The following KCNMB2 variants were observed in gnomAD, a reference collection of about 807,000 sequenced individuals.
KCNMB2 encodes potassium calcium-activated channel subfamily M regulatory beta subunit 2.
In KCNMB2, 9 loss-of-function variants were observed where a neutral mutation model predicts 24.5. The ratio of observed to expected loss-of-function variants is 0.37; its 90% CI spans 0.22 to 0.64. The LOEUF is 0.64. Among genes scored for constraint, KCNMB2 ranks in the 30% least tolerant of loss-of-function variants. The probability of loss-of-function intolerance (pLI) is 0.63; values close to 1 mark genes in which losing one functional copy is unlikely to be tolerated. For synonymous variants in KCNMB2, 109 were observed against 104.4 expected (o/e 1.04, Z -0.27); for missense variants, 226 against 284.3 (o/e 0.79, Z 1.47).
At chr3:178,679,221 T>C (rs1318322774) in intron 1 of KCNMB2, among the ~76,000 whole-genome samples, 3 of 152,138 alleles carry the variant, frequency 2.0e-5, no homozygotes, top group Non-Finnish European at 4.4e-5. Context: ...GGCTCAATTC[T>C]CAATTTCTCC....
intron 1 of KCNMB2, among the ~76,000 whole-genome samples, chr3:178,612,453 T>C (rs1276781681): frequency 1.3e-5 from 2 of 152,216 alleles, no homozygotes; most frequent in Non-Finnish European, 2.9e-5. Context: ...AAAATTGTTA[T>C]ATCTTCTTGC....
chr3:178,838,608 G>A (rs1430138310), intron 4 of KCNMB2, among the ~76,000 whole-genome samples: 2 of 149,556 alleles, frequency 1.3e-5, no homozygotes, highest in Non-Finnish European at 3.0e-5. Flanking sequence ...TGTGCCCACT[G>A]ATAAAGTCAT....
At chr3:178,664,013 G>T (rs1222037725) in intron 1 of KCNMB2, among the ~76,000 whole-genome samples, 1 of 152,096 alleles carries the variant, frequency 6.6e-6, no homozygotes, top group Non-Finnish European at 1.5e-5. Context: ...AGAGGGGAGG[G>T]AAAAGAAAGA....
intron 1 of KCNMB2, among the ~76,000 whole-genome samples, chr3:178,726,630 T>C (rs1433927731): frequency 6.6e-6 from 1 of 152,024 alleles, no homozygotes; most frequent in African/African-American, 2.4e-5. Flanking sequence ...TAAAGAACAC[T>C]GGAATTGCTT....
intron 1 of KCNMB2, among the ~76,000 whole-genome samples, chr3:178,698,499 G>A (rs1193802581): frequency 2.0e-5 from 3 of 152,060 alleles, no homozygotes; most frequent in African/African-American, 7.2e-5. Context: ...CTGGTTATTT[G>A]TCTGCCAACT....
chr3:178,587,491 T>C lies in KCNMB2; in HGVS notation c.-68+50780T>C, dbSNP rs543601824. ...CAGGCTGGAGTGCAATGGTGCCATC[T>C]TGGCTCACTGCAACCTCCGCCTCCC... On this transcript the variant is annotated intron_variant, in intron 1 of 4. Coordinates refer to ENST00000452583, the MANE Select transcript of KCNMB2 (RefSeq NM_181361.3). 9.2e-5 allele frequency among the ~76,000 whole-genome samples: 14 copies of C among 152,304 alleles called. No individual in the cohort carries two copies. In the East Asian group the frequency reaches 2.7e-3, roughly 29 times the overall value.
At chr3:178,662,421 A>AT (rs1196637971) in intron 1 of KCNMB2, among the ~76,000 whole-genome samples, 2 of 152,206 alleles carry the variant, frequency 1.3e-5, no homozygotes, top group Non-Finnish European at 2.9e-5. Flanking sequence ...TGCAAGATAA[A>AT]TATGATGTAA....
chr3:178,756,180 T>C (rs1358160997), intron 1 of KCNMB2, among the ~76,000 whole-genome samples: 1 of 152,018 alleles, frequency 6.6e-6, no homozygotes, highest in Admixed American at 6.6e-5. Flanking sequence ...AAAATATACA[T>C]ATTAAAGGGT....
chr3:178,547,906 C>A (rs1715825688), intron 1 of KCNMB2, among the ~76,000 whole-genome samples: 1 of 152,224 alleles, frequency 6.6e-6, no homozygotes, highest in African/African-American at 2.4e-5. Flanking sequence ...CCTAATAAAT[C>A]TATACTGTCT....
intron 1 of KCNMB2, among the ~76,000 whole-genome samples, chr3:178,710,454 T>C (rs772333620): frequency 6.6e-6 from 1 of 152,210 alleles, no homozygotes; most frequent in Non-Finnish European, 1.5e-5. Flanking sequence ...AGGTGCCTTA[T>C]TCCAAGCCTC....
intron 1 of KCNMB2, among the ~76,000 whole-genome samples, chr3:178,543,587 G>C (rs1300825449): frequency 6.6e-6 from 1 of 152,162 alleles, no homozygotes; most frequent in Non-Finnish European, 1.5e-5. Context: ...AAACTATTGG[G>C]AAACTCTCAA....
chr3:178,803,016 C>T (rs182953540), intron 1 of KCNMB2, among the ~76,000 whole-genome samples: 3 of 152,150 alleles, frequency 2.0e-5, no homozygotes, highest in Non-Finnish European at 4.4e-5. Flanking sequence ...TTAGTGTGTG[C>T]CACTAACCAA....
At chr3:178,688,204 T>C (rs1721532014) in intron 1 of KCNMB2, among the ~76,000 whole-genome samples, 1 of 152,162 alleles carries the variant, frequency 6.6e-6, no homozygotes, top group Non-Finnish European at 1.5e-5. Context: ...TGAAAAATAT[T>C]TTATAGGATA....
chr3:178,703,035 C>A (rs7650533), intron 1 of KCNMB2, among the ~76,000 whole-genome samples: 47,906 of 151,868 alleles, frequency 0.32, 8,046 homozygotes, highest in African/African-American at 0.43. Flanking sequence ...GTACAGATAG[C>A]CTTATTCCCT....
intron 1 of KCNMB2, among the ~76,000 whole-genome samples, chr3:178,719,810 TCAC>T (rs1249227076): frequency 1.3e-5 from 2 of 152,294 alleles, no homozygotes; most frequent in African/African-American, 4.8e-5. Context: ...CATGTAACTA[TCAC>T]CACAATCAGG....
intron 1 of KCNMB2, among the ~76,000 whole-genome samples, chr3:178,557,933 G>C (rs1242349087): frequency 6.6e-6 from 1 of 152,176 alleles, no homozygotes; most frequent in Non-Finnish European, 1.5e-5. Flanking sequence ...CCCCACACCA[G>C]TGCCTTCAGC....
intron 1 of KCNMB2, among the ~76,000 whole-genome samples, chr3:178,583,188 T>A (rs1315964069): frequency 6.6e-6 from 1 of 152,190 alleles, no homozygotes; most frequent in Non-Finnish European, 1.5e-5. Context: ...TGTTAATACG[T>A]ATTAAGATGC....
intron 1 of KCNMB2, among the ~76,000 whole-genome samples, chr3:178,693,143 A>G (rs977290857): frequency 1.3e-5 from 2 of 152,162 alleles, no homozygotes; most frequent in African/African-American, 4.8e-5. Context: ...CTTAAGAAGC[A>G]TTTAGGCTGA....
chr3:178,564,264 C>G (rs1256683271), intron 1 of KCNMB2, among the ~76,000 whole-genome samples: 2 of 136,540 alleles, frequency 1.5e-5, no homozygotes, highest in South Asian at 4.9e-4. Context: ...GGCGACAGAG[C>G]GAGACTCCAT....
Sources: allele counts gnomAD v4.1 joint callset (sites outside exome capture counted in the v4.1 genomes callset), GRCh38; gene constraint gnomAD v4.1.1; transcripts MANE v1.5; gene names NCBI Gene and HGNC (gene_info 2026-07-23, HGNC 2026-07-21).